The following TCERG1 variants were observed in gnomAD, a reference collection of about 807,000 sequenced individuals.
TCERG1 encodes TATA box binding protein (TBP)-associated factor, RNA polymerase II, S, 150kD.
A neutral mutation model predicts 144.7 loss-of-function variants in TCERG1; 37 were observed. That is an observed-to-expected ratio of 0.26 (90% CI 0.20 to 0.34). The LOEUF is 0.34. Among genes scored for constraint, TCERG1 ranks in the 10% least tolerant of loss-of-function variants. The pLI, the probability that TCERG1 is intolerant of heterozygous loss-of-function variation, is 1.00. For synonymous variants in TCERG1, 492 were observed against 458.2 expected (o/e 1.07, Z -0.94); for missense variants, 1,027 against 1,380.7 (o/e 0.74, Z 4.06).
At chr5:146,486,908 C>T (rs1005261238) in intron 15 of TCERG1, among the ~76,000 whole-genome samples, 8 of 152,000 alleles carry the variant, frequency 5.3e-5, no homozygotes, top group African/African-American at 1.9e-4. Context: ...AACCTCATCT[C>T]TACTAAAAAT....
intron 1 of TCERG1, among the ~76,000 whole-genome samples, chr5:146,449,013 G>C (rs576263802): frequency 6.6e-6 from 1 of 152,298 alleles, no homozygotes; most frequent in African/African-American, 2.4e-5. Context: ...AATTTGCCCT[G>C]TTGCAAATAT....
intron 15 of TCERG1, among the ~76,000 whole-genome samples, chr5:146,488,533 CA>C (rs1366085713): frequency 2.6e-5 from 4 of 152,004 alleles, no homozygotes; most frequent in Non-Finnish European, 5.9e-5. Flanking sequence ...TGAGGTGTCT[CA>C]CTCAGTTAGG....
intron 9 of TCERG1, among the ~76,000 whole-genome samples, chr5:146,471,805 G>A (rs1764335121): frequency 6.6e-6 from 1 of 152,098 alleles, no homozygotes; most frequent in African/African-American, 2.4e-5. Context: ...CACCATGTTG[G>A]CCAGGATGGT....
At position 146,481,147 on chromosome 5, in the gene TCERG1, C is replaced by T; in HGVS notation, c.1887-3C>T. 1 of 985,028 alleles carries T rather than the reference C, an allele frequency of 1.0e-6. No individual in the cohort carries two copies. The highest frequency in any genetic ancestry group is 1.2e-6 in the Non-Finnish European group (1 of 829,702). 61.0% of individuals were successfully genotyped at this position (985,028 alleles called of 1,614,324 possible). A position where few individuals can be genotyped will look rare whatever the true frequency, so the allele number is the denominator to read the frequency against. On this transcript the variant is annotated splice_region_variant and splice_polypyrimidine_tract_variant and intron_variant, in intron 12 of 22. Coordinates refer to ENST00000679501, the MANE Select transcript of TCERG1 (RefSeq NM_001382548.1). ...CTGTAAGGTTTTTAACTGCTTTTAT[C>T]AGGAGAATGTCAAAGAAGTCCTTTA... is the stretch of plus-strand genomic sequence containing the variant.
At chr5:146,484,470 A>G (rs1765643060) in intron 15 of TCERG1, among the ~76,000 whole-genome samples, 1 of 152,202 alleles carries the variant, frequency 6.6e-6, no homozygotes, top group Non-Finnish European at 1.5e-5. Flanking sequence ...CCCATCTTTG[A>G]TATTTTTAAT....
chr5:146,472,974 A>G (rs1764485455), intron 9 of TCERG1, among the ~76,000 whole-genome samples: 1 of 152,076 alleles, frequency 6.6e-6, no homozygotes, highest in Non-Finnish European at 1.5e-5. Context: ...TGGCCTCCCA[A>G]AGTGCTGGGA....
chr5:146,481,407 G>C (rs553161184), intron 13 of TCERG1: 2 of 160,588 alleles, frequency 1.2e-5, no homozygotes, highest in South Asian at 4.0e-4. Context: ...TATATTGTTT[G>C]GCAAATTGCT....
intron 15 of TCERG1, among the ~76,000 whole-genome samples, chr5:146,491,754 T>C (rs1354999207): frequency 6.6e-6 from 1 of 152,190 alleles, no homozygotes; most frequent in Non-Finnish European, 1.5e-5. Flanking sequence ...CAGCAAATTT[T>C]TAAGAGTCAG....
In TCERG1 at chr5:146,480,025, T is replaced by C. The variant is rs1351442059; in HGVS notation, c.1820-3T>C. The C allele has an allele frequency of 7.5e-6, 12 of 1,597,850 alleles. No individual in the cohort carries two copies. Among genetic ancestry groups the C allele is most frequent in the African/African-American group, 5.4e-5 (4 of 74,012 alleles). ...AATATTTTAATTAAATTTTGTCTTATAGTTAAAGAGGAACAAGAATTAATG... is the reference window on the plus strand; with the variant it reads ...AATATTTTAATTAAATTTTGTCTTACAGTTAAAGAGGAACAAGAATTAATG... On this transcript the variant is annotated splice_polypyrimidine_tract_variant and splice_region_variant and intron_variant, in intron 11 of 22. Coordinates refer to ENST00000679501, the MANE Select transcript of TCERG1 (RefSeq NM_001382548.1).
chr5:146,480,001 AT>A (rs1765195919), intron 11 of TCERG1, 26 bp from the exon 12 acceptor site: 1 of 1,591,100 alleles, frequency 6.3e-7, no homozygotes, highest in Non-Finnish European at 8.6e-7. Flanking sequence ...TCATTCCTAA[AT>A]ATTTTAATTA....
In TCERG1 at chr5:146,498,498, T is replaced by C. The variant is rs200489250; in HGVS notation, c.2283-38T>C. The C allele has an allele frequency of 1.9e-5, 30 of 1,574,048 alleles. No homozygotes were observed. In the Middle Eastern group the frequency reaches 5.1e-4, roughly 27 times the overall value. ...TGCTATGCCTTTATACAAGCAGAAG[T>C]AACTGCCAAAGTTAGCACACTTGTA... On this transcript the variant is annotated intron_variant, in intron 16 of 22. Coordinates refer to ENST00000679501, the MANE Select transcript of TCERG1 (RefSeq NM_001382548.1).
rs1763127984 is a variant in TCERG1, at chr5:146,459,188, A to T, written c.743A>T (p.Gln248Leu). The T allele has an allele frequency of 1.9e-6, 3 of 1,614,242 alleles. No homozygotes were observed. Among genetic ancestry groups the T allele is most frequent in the Non-Finnish European group, 1.7e-6 (2 of 1,180,040 alleles). ...QAQAQVQAQV[Q>L]AQVQAQAVGA... Reference sequence around the variant, plus strand: ...CAGGCTCAGGTCCAGGCCCAGGTCCAGGCACAAGTGCAAGCACAAGCAGTT... The same window carrying T: ...CAGGCTCAGGTCCAGGCCCAGGTCCTGGCACAAGTGCAAGCACAAGCAGTT... Residue 248 changes from glutamine (Q) to leucine (L), a missense_variant, in exon 4 of 23, where the codon CAG becomes CTG. Physicochemically the swap from Gln to Leu is moderately radical, Grantham distance 113. This residue lies in a region of TCERG1 where 187 missense variants were observed against 169.1 expected (regional missense o/e 1.11). Transcript: ENST00000679501.
At chr5:146,493,224 T>A (rs543004461) in intron 16 of TCERG1, among the ~76,000 whole-genome samples, 186 bp downstream of exon 16, 1 of 152,094 alleles carries the variant, frequency 6.6e-6, no homozygotes, top group Non-Finnish European at 1.5e-5. Flanking sequence ...GAATCCTAAG[T>A]GCTCTAAGAA....
At position 146,485,831 on chromosome 5, in the gene TCERG1, A is replaced by C. The variant is rs1175484410; in HGVS notation, c.2163+2202A>C. ...CACCTTAGCCTCCCAAGTAGCTGGG[A>C]TTACAAGCGTGCACCACCATGCCCG... On this transcript the variant is annotated intron_variant, in intron 15 of 22. Coordinates refer to ENST00000679501, the MANE Select transcript of TCERG1 (RefSeq NM_001382548.1). Among the ~76,000 whole-genome samples the C allele has an allele frequency of 2.0e-5, 3 of 152,116 alleles. No individual in the cohort carries two copies. The East Asian group carries it at 5.8e-4, about 29-fold the overall frequency.
At chr5:146,476,739 G>A (rs10059722) in intron 9 of TCERG1, among the ~76,000 whole-genome samples, 27,163 of 152,004 alleles carry the variant, frequency 0.18, 3,724 homozygotes, top group East Asian at 0.79. Context: ...TTGGGGGTCC[G>A]TCCCCACCTC....
At chr5:146,472,926 G>C (rs893857720) in intron 9 of TCERG1, among the ~76,000 whole-genome samples, 2 of 152,110 alleles carry the variant, frequency 1.3e-5, no homozygotes, top group African/African-American at 4.8e-5. Flanking sequence ...TATTAGCCAG[G>C]ATGGTCTCGA....
At chr5:146,454,037 CAAAAAAAAAAAA>C (rs56657111) in intron 1 of TCERG1, among the ~76,000 whole-genome samples, 120 of 129,716 alleles carry the variant, frequency 9.3e-4, no homozygotes, top group Non-Finnish European at 9.6e-4. Flanking sequence ...TACTCAAATA[CAAAAAAAAAAAA>C]AAAAAAAAAA....
intron 15 of TCERG1, among the ~76,000 whole-genome samples, chr5:146,489,375 TAAGAG>T (rs1490323501): frequency 1.3e-5 from 2 of 152,160 alleles, no homozygotes; most frequent in Non-Finnish European, 2.9e-5. Flanking sequence ...CCTTGAACTC[TAAGAG>T]AAAACACCAA....
chr5:146,470,488 A>G (rs917443996), intron 7 of TCERG1, 148 bp from the exon 8 acceptor site: 7 of 653,438 alleles, frequency 1.1e-5, no homozygotes, highest in Admixed American at 3.2e-5. Context: ...TGTGCATTAC[A>G]TAAGATTCAA....
Sources: gnomAD v4.1 joint callset for allele counts (sites outside exome capture counted in the v4.1 genomes callset) on GRCh38, gnomAD v4.1.1 for gene constraint, gnomAD v4.1.1 regional missense constraint, MANE v1.5 for transcripts, NCBI Gene and HGNC (gene_info 2026-07-23, HGNC 2026-07-21) for gene names.